Variants in CYB561 observed in about 807,000 individuals in gnomAD.
The protein encoded by CYB561 is cytochrome b561, also known as transmembrane ascorbate-dependent reductase CYB561.
In CYB561, 11 loss-of-function variants were observed where a neutral mutation model predicts 25.3. The ratio of observed to expected loss-of-function variants is 0.44; its 90% CI spans 0.27 to 0.72. The LOEUF (loss-of-function observed/expected upper bound fraction) is 0.72. Ranked by LOEUF, CYB561 falls within the 30% of genes least tolerant of loss-of-function variation. The probability of loss-of-function intolerance (pLI) is 0.18; values close to 1 mark genes in which losing one functional copy is unlikely to be tolerated. For synonymous variants in CYB561, 165 were observed against 158.8 expected, an observed-to-expected ratio of 1.04 and a Z score of -0.29; for missense variants, 295 against 334.9, an observed-to-expected ratio of 0.88 and a Z score of 0.93.
At chr17:63,437,272 G>T in intron 2 of CYB561, 74 bp downstream of exon 2, 1 of 1,180,700 alleles carries the variant, frequency 8.5e-7, no homozygotes, top group South Asian at 1.3e-5. Flanking sequence ...CCGCAGGGGT[G>T]ACAAGACCCC....
rs1750148193 is a variant in CYB561 at position 63,437,573 on chromosome 17, G to A, written c.-13-13C>T. 1 of 1,596,856 alleles carries A rather than the reference G, an allele frequency of 6.3e-7. No individual in the cohort carries two copies. The highest frequency in any genetic ancestry group is 1.3e-5 in the African/African-American group (1 of 74,738). ...GCTGAGGCAAACGCTGCAAGAAAGA[G>A]CAGAGCTCAGAGGAGCAGCGCACAG... On this transcript the variant is annotated splice_polypyrimidine_tract_variant and intron_variant, in intron 1 of 5. Coordinates refer to ENST00000360793, the MANE Select transcript of CYB561 (RefSeq NM_001915.4).
intron 1 of CYB561, among the ~76,000 whole-genome samples, chr17:63,441,824 G>A (rs754953554): frequency 3.9e-5 from 6 of 152,190 alleles, no homozygotes; most frequent in Non-Finnish European, 7.3e-5. Context: ...GCTCCCGGGC[G>A]GTGCCCCCCC....
Position 63,437,564 on chromosome 17 carries a change from CAAGA to C in CYB561, c.-13-8_-13-5del. The C allele has an allele frequency of 6.2e-7, 1 of 1,601,708 alleles. No individual in the cohort carries two copies. Among genetic ancestry groups the C allele is most frequent in the Non-Finnish European group, 8.5e-7 (1 of 1,178,662 alleles). ...GCCCTCCATGCTGAGGCAAACGCTG[CAAGA>C]AAGAGCAGAGCTCAGAGGAGCAGCG... On this transcript the variant is annotated splice_polypyrimidine_tract_variant and splice_region_variant and intron_variant, in intron 1 of 5. Coordinates refer to ENST00000360793, the MANE Select transcript of CYB561 (RefSeq NM_001915.4).
At chr17:63,444,251 C>T (rs139824299) in intron 1 of CYB561, among the ~76,000 whole-genome samples, 37 of 152,328 alleles carry the variant, frequency 2.4e-4, no homozygotes, top group Non-Finnish European at 3.2e-4. Flanking sequence ...AGAGGGCCAA[C>T]GGCCCATGAA....
In CYB561 at chr17:63,436,065, A is replaced by G. The variant is rs1256557682; in HGVS notation, c.290T>C (p.Ile97Thr). ...GCCCGGGAACTCACCAACCAGGGCGATGACGAGCGCAAAGATGTGCAGCAG... is the reference window on the plus strand; with the variant it reads ...GCCCGGGAACTCACCAACCAGGGCGGTGACGAGCGCAAAGATGTGCAGCAG... ...HGLLHIFALV[I>T]ALVGLVAVFD... Residue 97 changes from isoleucine (I) to threonine (T), a missense_variant, in exon 3 of 6, where the codon ATC (isoleucine) becomes ACC (threonine). Ile to Thr is a moderately conservative substitution (Grantham distance 89). Coordinates refer to ENST00000360793, the MANE Select transcript of CYB561 (RefSeq NM_001915.4). This position sits in a 1 kb window ranked among gnomAD's most constrained non-coding sequence, Gnocchi z 4.8. 1 of 1,614,176 alleles carries G rather than the reference A, an allele frequency of 6.2e-7. No homozygotes were observed. Among genetic ancestry groups the G allele is most frequent in the Non-Finnish European group, 8.5e-7 (1 of 1,180,012 alleles).
intron 1 of CYB561, among the ~76,000 whole-genome samples, chr17:63,442,237 C>G (rs1235092175): frequency 6.6e-6 from 1 of 152,214 alleles, no homozygotes; most frequent in East Asian, 1.9e-4. Flanking sequence ...CGCAACAGGA[C>G]TCTCGTGAGG....
chr17:63,438,693 G>A (rs1018013097), intron 1 of CYB561, among the ~76,000 whole-genome samples: 1 of 152,190 alleles, frequency 6.6e-6, no homozygotes, highest in African/African-American at 2.4e-5. Flanking sequence ...TGTCCCAGGT[G>A]CTCGGCCCCA....
intron 1 of CYB561, among the ~76,000 whole-genome samples, chr17:63,443,807 GGA>G (rs2049398516): frequency 6.6e-6 from 1 of 151,802 alleles, no homozygotes; most frequent in Non-Finnish European, 1.5e-5. Context: ...TTCTTTTTTT[GGA>G]GAGATAGGGT....
Position 63,436,118 on chromosome 17 carries a change from A to C in CYB561, c.237T>G (p.Ala79=). The C allele has an allele frequency of 6.2e-7, 1 of 1,614,174 alleles. No homozygotes were observed. ...CGTGCAGGACCTTGGTGGTGCGTTT[A>C]GCTTCGTTCCTGAAGACACGGTAAA... is the stretch of plus-strand genomic sequence containing the variant. ...LLVYRVFRNE[A]KRTTKVLHGL... is the part of the protein sequence containing the mutation. The change falls in exon 3 of 6, where the codon GCT becomes GCG. Residue 79 remains alanine (A), a synonymous_variant. Coordinates refer to ENST00000360793, the MANE Select transcript of CYB561 (RefSeq NM_001915.4). This position sits in a 1 kb window ranked among gnomAD's most constrained non-coding sequence, Gnocchi z 4.8.
intron 1 of CYB561, chr17:63,438,057 G>T (rs1180933443): frequency 6.7e-7 from 1 of 1,494,724 alleles, no homozygotes. Flanking sequence ...TCCTGAGGCA[G>T]AGGTCTCAAG....
At chr17:63,442,591 C>T (rs1303652676) in intron 1 of CYB561, among the ~76,000 whole-genome samples, 1 of 152,142 alleles carries the variant, frequency 6.6e-6, no homozygotes, top group South Asian at 2.1e-4. Context: ...CTGCCACTCC[C>T]CACCCCCAAG....
chr17:63,435,500 C>A, intron 4 of CYB561, 188 bp downstream of exon 4: 2 of 692,950 alleles, frequency 2.9e-6, no homozygotes, highest in East Asian at 5.4e-5. Context: ...CCATGGGGCG[C>A]CTGGGAGCTG....
At chr17:63,438,042 C>A (rs993128026) in intron 1 of CYB561, 7 of 1,527,820 alleles carry the variant, frequency 4.6e-6, no homozygotes, top group Non-Finnish European at 6.1e-6. Context: ...CCTTCCCACC[C>A]ATCGTCCTGA....
At chr17:63,435,045 G>T in intron 5 of CYB561, 41 bp downstream of exon 5, 1 of 1,591,032 alleles carries the variant, frequency 6.3e-7, no homozygotes, top group South Asian at 1.2e-5. Context: ...GTCTGTGCAA[G>T]GGTGGCCCAG....
intron 1 of CYB561, among the ~76,000 whole-genome samples, chr17:63,438,920 C>T (rs1176544954): frequency 6.6e-6 from 1 of 152,218 alleles, no homozygotes; most frequent in African/African-American, 2.4e-5. Context: ...AAAAGTGCTG[C>T]CATGGCCCAC....
intron 1 of CYB561, among the ~76,000 whole-genome samples, chr17:63,444,602 C>G (rs1051097887): frequency 1.3e-5 from 2 of 152,156 alleles, no homozygotes; most frequent in African/African-American, 4.8e-5. Flanking sequence ...TAAATCTACA[C>G]TCCATTGCTG....
At chr17:63,445,666 G>A (rs2147504979) in intron 1 of CYB561, among the ~76,000 whole-genome samples, 1 of 152,296 alleles carries the variant, frequency 6.6e-6, no homozygotes, top group South Asian at 2.1e-4. Context: ...AGCGCAGTTG[G>A]CACCGGCCTG....
chr17:63,434,698 G>GC, intron 5 of CYB561, 104 bp from the exon 6 acceptor site: 2 of 1,019,122 alleles, frequency 2.0e-6, no homozygotes. Flanking sequence ...TCCAGCACCA[G>GC]CCCCTGCCTC....
intron 1 of CYB561, among the ~76,000 whole-genome samples, chr17:63,445,264 C>G (rs371819275): frequency 2.0e-4 from 31 of 152,240 alleles, no homozygotes; most frequent in African/African-American, 7.5e-4. Context: ...GTGGTTCCAC[C>G]TCCAGCTCTA....
Sources: gnomAD v4.1 joint callset for allele counts (sites outside exome capture counted in the v4.1 genomes callset) on GRCh38, gnomAD v4.1.1 for gene constraint, Gnocchi (gnomAD v3.1) non-coding constraint, MANE v1.5 for transcripts, NCBI Gene and HGNC (gene_info 2026-07-23, HGNC 2026-07-21) for gene names.